Variants in CNTNAP2 observed in about 807,000 individuals in gnomAD.
CNTNAP2 encodes the protein contactin associated protein 2, also known as contactin-associated protein-like 2.
CNTNAP2 carries 98 observed loss-of-function variants against 155.2 expected under a neutral mutation model. The observed-to-expected ratio is 0.63, with a 90% CI of 0.54 to 0.75. The LOEUF is 0.75. Among genes scored for constraint, CNTNAP2 ranks in the 30% least tolerant of loss-of-function variants. CNTNAP2 has a pLI of 0.00. For missense variants in CNTNAP2, 1,727 were observed against 1,688.1 expected, an observed-to-expected ratio of 1.02 and a Z score of -0.40; for synonymous variants, 651 against 631.2, an observed-to-expected ratio of 1.03 and a Z score of -0.47.
rs965096724 is a variant in CNTNAP2 at position 147,322,468 on chromosome 7, G to A, written c.1498+22178G>A. Among the ~76,000 whole-genome samples, 6 of 152,264 alleles carry A rather than the reference G, an allele frequency of 3.9e-5. No homozygotes were observed. In the East Asian group the frequency reaches 7.7e-4, roughly 20 times the overall value. Reference sequence around the variant, plus strand: ...CTCCGTGAGCAAATCTTGAAAATTTGTATACGGCTGTTTAACCTAAGGATA... The same window carrying A: ...CTCCGTGAGCAAATCTTGAAAATTTATATACGGCTGTTTAACCTAAGGATA... On this transcript the variant is annotated intron_variant, in intron 9 of 23. Coordinates refer to ENST00000361727, the MANE Select transcript of CNTNAP2 (RefSeq NM_014141.6).
chr7:146,621,225 A>G (rs1799311305), intron 1 of CNTNAP2, among the ~76,000 whole-genome samples: 1 of 152,232 alleles, frequency 6.6e-6, no homozygotes, highest in Non-Finnish European at 1.5e-5. Flanking sequence ...TTAGATTTAC[A>G]GAAAAGTTGG....
chr7:146,571,545 G>T (rs767019887), intron 1 of CNTNAP2, among the ~76,000 whole-genome samples: 6 of 151,896 alleles, frequency 4.0e-5, no homozygotes, highest in Non-Finnish European at 5.9e-5. Context: ...AAAAAGTTAT[G>T]ATTTTTGTCT....
At chr7:147,599,357 G>GACAC (rs1348166476) in intron 12 of CNTNAP2, among the ~76,000 whole-genome samples, 2 of 151,530 alleles carry the variant, frequency 1.3e-5, no homozygotes, top group East Asian at 3.9e-4. Flanking sequence ...TAGCCGGCAT[G>GACAC]GTGTAATCCC....
At chr7:147,086,983 G>C (rs1228024812) in intron 4 of CNTNAP2, among the ~76,000 whole-genome samples, 1 of 152,160 alleles carries the variant, frequency 6.6e-6, no homozygotes, top group Non-Finnish European at 1.5e-5. Flanking sequence ...TGTGCTTAGA[G>C]AGAATGTTGT....
At chr7:147,956,068 A>T (rs1010395690) in intron 14 of CNTNAP2, among the ~76,000 whole-genome samples, 13 of 152,316 alleles carry the variant, frequency 8.5e-5, no homozygotes, top group African/African-American at 3.1e-4. Flanking sequence ...CTACTTAGCT[A>T]CTTGCTTTGC....
chr7:148,183,894 C>G (rs555738090), intron 18 of CNTNAP2, among the ~76,000 whole-genome samples: 1 of 152,206 alleles, frequency 6.6e-6, no homozygotes, highest in African/African-American at 2.4e-5. Context: ...TTCCACCAGC[C>G]AAAAATATTT....
chr7:147,020,739 A>G (rs1447333727), intron 3 of CNTNAP2, among the ~76,000 whole-genome samples: 3 of 152,170 alleles, frequency 2.0e-5, no homozygotes. Context: ...CTTTAAAAAT[A>G]CTTTTTAAAA....
At chr7:146,174,027 A>T (rs903059654) in intron 1 of CNTNAP2, among the ~76,000 whole-genome samples, 4 of 151,918 alleles carry the variant, frequency 2.6e-5, no homozygotes, top group Non-Finnish European at 4.4e-5. Flanking sequence ...GCCAACAGTG[A>T]TACCCTATCT....
rs141774201 is a variant in CNTNAP2, at chr7:147,891,207, ATT to A, written c.2099-12344_2099-12343del. ...ACAGTAGGTAAAAATCAACAAATAG[ATT>A]TTTTTTTTTTTTTGAGACGGAGTCT... On this transcript the variant is annotated intron_variant, in intron 13 of 23. Coordinates refer to ENST00000361727, the MANE Select transcript of CNTNAP2 (RefSeq NM_014141.6). Among the ~76,000 whole-genome samples the A allele has an allele frequency of 9.3e-3, 1,367 of 146,336 alleles. 23 individuals are homozygous for A. The highest frequency in any genetic ancestry group is 0.03 in the African/African-American group (1,186 of 39,896).
At chr7:147,565,225 G>A (rs1030063160) in intron 12 of CNTNAP2, among the ~76,000 whole-genome samples, 4 of 152,124 alleles carry the variant, frequency 2.6e-5, no homozygotes, top group Non-Finnish European at 5.9e-5. Context: ...GGGCACAAGA[G>A]AGATTGGCTT....
At position 147,521,911 on chromosome 7, in the gene CNTNAP2, C is replaced by T. The variant is rs1212267568; in HGVS notation, c.1777+35870C>T. Among the ~76,000 whole-genome samples, 23 of 152,152 alleles carry T rather than the reference C, an allele frequency of 1.5e-4. 2 individuals carry two copies. Among genetic ancestry groups the T allele is most frequent in the Non-Finnish European group, 4.4e-5 (3 of 68,042 alleles). ...AGAGAGTGGTTCAGCTACCAAATACCATCTGTTAGTCTGTTCCAGCTACTG... is the reference window on the plus strand; with the variant it reads ...AGAGAGTGGTTCAGCTACCAAATACTATCTGTTAGTCTGTTCCAGCTACTG... On this transcript the variant is annotated intron_variant, in intron 11 of 23. Transcript: ENST00000361727.
rs1484284253 is a variant in CNTNAP2, at chr7:148,229,690, T to C, written c.3292T>C (p.Tyr1098His). 5.6e-6 allele frequency: 9 copies of C among 1,614,114 alleles called. No homozygotes were observed. Among genetic ancestry groups the C allele is most frequent in the Non-Finnish European group, 7.6e-6 (9 of 1,180,012 alleles). Residue 1098 changes from tyrosine to histidine, a missense_variant, in exon 20 of 24, where the codon TAC becomes CAC. Physicochemically the swap from Tyr to His is moderately conservative, Grantham distance 83 (BLOSUM62 2). Transcript: ENST00000361727. ...CAACCTGGGTGGCACCCGAGAGCCA[T>C]ACAATATTGACGTAGACCACAGGAA... is the stretch of plus-strand genomic sequence containing the variant. ...RYNLGGTREP[Y>H]NIDVDHRNMA... is the part of the protein sequence containing the mutation.
At chr7:146,434,709 A>C (rs1796217582) in intron 1 of CNTNAP2, among the ~76,000 whole-genome samples, 2 of 152,198 alleles carry the variant, frequency 1.3e-5, no homozygotes, top group Admixed American at 1.3e-4. Flanking sequence ...TAACTGTTTC[A>C]GCAATGGATT....
chr7:148,341,037 C>A (rs1798220050), intron 21 of CNTNAP2, among the ~76,000 whole-genome samples: 1 of 152,192 alleles, frequency 6.6e-6, no homozygotes. Flanking sequence ...TGACCCACAG[C>A]GACTGCTGAT....
At chr7:146,251,683 AT>A (rs1436419309) in intron 1 of CNTNAP2, among the ~76,000 whole-genome samples, 1 of 152,196 alleles carries the variant, frequency 6.6e-6, no homozygotes, top group Admixed American at 6.6e-5. Context: ...GTAACTCACA[AT>A]TTAGGCTATA....
chr7:147,720,232 T>C (rs928162145), intron 13 of CNTNAP2, among the ~76,000 whole-genome samples: 2 of 152,164 alleles, frequency 1.3e-5, no homozygotes, highest in South Asian at 2.1e-4. Context: ...AGAGCATTTA[T>C]GGTATACAAA....
At chr7:147,170,503 C>T (rs1335028767) in intron 8 of CNTNAP2, among the ~76,000 whole-genome samples, 1 of 152,126 alleles carries the variant, frequency 6.6e-6, no homozygotes, top group African/African-American at 2.4e-5. Flanking sequence ...AGACCACGCC[C>T]TTACTGGGCC....
chr7:147,416,656 T>C (rs1014314288), intron 10 of CNTNAP2, among the ~76,000 whole-genome samples: 2 of 152,220 alleles, frequency 1.3e-5, no homozygotes, highest in South Asian at 2.1e-4. Flanking sequence ...CATCAACATA[T>C]GGTTCGGCTG....
chr7:146,828,513 T>A (rs938548867), intron 2 of CNTNAP2, among the ~76,000 whole-genome samples: 1 of 152,090 alleles, frequency 6.6e-6, no homozygotes, highest in African/African-American at 2.4e-5. Context: ...ATTACTTTTA[T>A]GGGAATCCAT....
Sources: gnomAD v4.1 joint callset for allele counts (sites outside exome capture counted in the v4.1 genomes callset) on GRCh38, gnomAD v4.1.1 for gene constraint, MANE v1.5 for transcripts, NCBI Gene and HGNC (gene_info 2026-07-23, HGNC 2026-07-21) for gene names.